UPK3A: variants seen among roughly 807,000 people sequenced by gnomAD.
The protein encoded by UPK3A is uroplakin 3A.
Under a neutral mutation model 27.6 loss-of-function variants are expected in UPK3A, and 32 were observed. The ratio of observed to expected loss-of-function variants is 1.16; its 90% CI spans 0.87 to 1.55. The LOEUF (loss-of-function observed/expected upper bound fraction) is 1.55, where lower values mean the gene tolerates loss of function less well. Ranked by LOEUF, UPK3A falls within the 40% of genes most tolerant of loss-of-function variation. UPK3A has a pLI of 0.00. For missense variants in UPK3A, 370 were observed against 367.9 expected (o/e 1.01, Z -0.05); for synonymous variants, 171 against 163.9 (o/e 1.04, Z -0.33).
At chr22:45,285,846 G>T in intron 1 of UPK3A, 95 bp from the exon 2 acceptor site, 1 of 1,571,760 alleles carries the variant, frequency 6.4e-7, no homozygotes, top group South Asian at 1.1e-5. Flanking sequence ...GTGAAGCCCA[G>T]GGCCTGGCAC....
intron 4 of UPK3A, among the ~76,000 whole-genome samples, chr22:45,290,362 A>T (rs1366017554): frequency 6.6e-6 from 1 of 151,964 alleles, no homozygotes; most frequent in Non-Finnish European, 1.5e-5. Context: ...GCCCATGTGC[A>T]CCCCCAGGGG....
chr22:45,291,597 G>T (rs1233896005), intron 4 of UPK3A, among the ~76,000 whole-genome samples: 1 of 150,440 alleles, frequency 6.6e-6, no homozygotes, highest in Admixed American at 6.6e-5. Flanking sequence ...GGTGTGTGGT[G>T]TCTGAGTGTG....
chr22:45,287,123 C>T (rs747350538), intron 2 of UPK3A, 49 bp from the exon 3 acceptor site: 5 of 1,611,494 alleles, frequency 3.1e-6, no homozygotes, highest in East Asian at 2.2e-5. Flanking sequence ...GAGTGAGTGT[C>T]GCTGAGCCGG....
At chr22:45,292,248 T>G (rs530107066) in intron 4 of UPK3A, among the ~76,000 whole-genome samples, 27 of 152,294 alleles carry the variant, frequency 1.8e-4, no homozygotes, top group African/African-American at 2.9e-4. Flanking sequence ...CCAGTTTTTT[T>G]GGGGGAGGAC....
At chr22:45,288,959 T>C in intron 3 of UPK3A, 102 bp from the exon 4 acceptor site, 2 of 1,107,228 alleles carry the variant, frequency 1.8e-6, no homozygotes, top group Non-Finnish European at 2.7e-6. Flanking sequence ...GGGCCCCCGC[T>C]GCCGTCTCCC....
chr22:45,287,982 T>C (rs2084131347), intron 3 of UPK3A, among the ~76,000 whole-genome samples: 1 of 152,136 alleles, frequency 6.6e-6, no homozygotes, highest in African/African-American at 2.4e-5. Context: ...AAATTCTTAA[T>C]TGTTGAACAA....
chr22:45,287,071 G>A (rs1389357473), intron 2 of UPK3A, 101 bp from the exon 3 acceptor site: 3 of 1,557,104 alleles, frequency 1.9e-6, no homozygotes, highest in Non-Finnish European at 2.6e-6. Context: ...GCCCAGCACA[G>A]AGCTGGGGCA....
At position 45,293,254 on chromosome 22, in the gene UPK3A, G is replaced by A. The variant is rs1569106642; in HGVS notation, c.645G>A (p.Leu215=). 6.2e-7 allele frequency: 1 copy of A among 1,614,108 alleles called. No homozygotes were observed. Among genetic ancestry groups the A allele is most frequent in the East Asian group, 2.2e-5 (1 of 44,864 alleles). Residue 215 remains leucine (L), a synonymous_variant, in exon 5 of 6, where the codon CTG becomes CTA. Coordinates refer to ENST00000216211, the MANE Select transcript of UPK3A (RefSeq NM_006953.4). ...SGGMIVITSI[L]GSLPFFLLVG... Reference sequence around the variant, plus strand: ...GCATGATCGTCATCACTTCCATCCTGGGCTCCCTGCCCTTCTTTCTACTTG... The same window carrying A: ...GCATGATCGTCATCACTTCCATCCTAGGCTCCCTGCCCTTCTTTCTACTTG...
At chr22:45,289,528 A>C (rs1221256388) in intron 4 of UPK3A, among the ~76,000 whole-genome samples, 1 of 150,468 alleles carries the variant, frequency 6.6e-6, no homozygotes, top group Non-Finnish European at 1.5e-5. Context: ...CAGTGAGCCA[A>C]GATGACACCA....
chr22:45,286,053 C>T lies in UPK3A; in HGVS notation c.165C>T (p.Leu55=). ...GCATGTTTGACAGCAAAGAGGCCCT[C>T]ACTGGCACCCACGAGGTCTACCTGT... is the stretch of plus-strand genomic sequence containing the variant. The part of the protein sequence containing the change: ...PLCMFDSKEA[L]TGTHEVYLYV... Residue 55 remains leucine, a synonymous_variant, in exon 2 of 6, where the codon CTC becomes CTT. Transcript: ENST00000216211. The T allele has an allele frequency of 3.7e-6, 6 of 1,614,216 alleles. No homozygotes were observed. Among genetic ancestry groups the T allele is most frequent in the Non-Finnish European group, 5.1e-6 (6 of 1,180,046 alleles).
Position 45,287,407 on chromosome 22 carries a change from C to T in UPK3A, c.444C>T (p.Phe148=). The change falls in exon 3 of 6, where the codon TTC becomes TTT. Residue 148 remains phenylalanine (F), a synonymous_variant. Coordinates refer to ENST00000216211, the MANE Select transcript of UPK3A (RefSeq NM_006953.4). ...ANGTCLWDPN[F]QGLCNAPLSA... ...GGACCTGCCTGTGGGATCCCAACTT[C>T]CAGGGCCTCTGTAACGCACCCCTGT... The T allele has an allele frequency of 6.2e-7, 1 of 1,611,202 alleles. No individual in the cohort carries two copies. The highest frequency in any genetic ancestry group is 8.5e-7 in the Non-Finnish European group (1 of 1,178,760).
At chr22:45,291,725 A>G in intron 4 of UPK3A, among the ~76,000 whole-genome samples, 1 of 108,638 alleles carries the variant, frequency 9.2e-6, no homozygotes, top group Admixed American at 1.0e-4. Context: ...GTGAGTTGGT[A>G]TGCGTGGTGT....
rs139905351 is a variant in UPK3A at position 45,291,157 on chromosome 22, C to T, written c.571+2014C>T. Among the ~76,000 whole-genome samples, 760 of 152,250 alleles carry T rather than the reference C, an allele frequency of 5.0e-3. 3 individuals are homozygous for T. Among genetic ancestry groups the T allele is most frequent in the African/African-American group, 0.017 (724 of 41,508 alleles). Reference sequence around the variant, plus strand: ...AAACCGATCCCTGGTGCCAAAAAGGCTGGGGACTGCTGGTATATGTGGTGT... The same window carrying T: ...AAACCGATCCCTGGTGCCAAAAAGGTTGGGGACTGCTGGTATATGTGGTGT... On this transcript the variant is annotated intron_variant, in intron 4 of 5. Transcript: ENST00000216211.
At chr22:45,288,089 CTTA>C (rs2084132225) in intron 3 of UPK3A, among the ~76,000 whole-genome samples, 1 of 152,202 alleles carries the variant, frequency 6.6e-6, no homozygotes, top group Admixed American at 6.5e-5. Flanking sequence ...ACCCCTTCGT[CTTA>C]CAGGAAAGGA....
intron 4 of UPK3A, among the ~76,000 whole-genome samples, chr22:45,292,397 C>A (rs1356113295): frequency 6.6e-6 from 1 of 152,126 alleles, no homozygotes; most frequent in African/African-American, 2.4e-5. Flanking sequence ...CTCCAGGGGA[C>A]CTACCTGGAA....
intron 5 of UPK3A, among the ~76,000 whole-genome samples, chr22:45,294,036 C>T (rs1297428558): frequency 6.6e-6 from 1 of 152,044 alleles, no homozygotes; most frequent in African/African-American, 2.4e-5. Context: ...AGGCAGGGGA[C>T]AAACCAAGGT....
At chr22:45,294,310 G>A (rs532221099) in intron 5 of UPK3A, among the ~76,000 whole-genome samples, 67 of 152,216 alleles carry the variant, frequency 4.4e-4, no homozygotes, top group African/African-American at 1.4e-3. Context: ...TAGGTGGGGC[G>A]GGTGGAGATC....
In UPK3A at chr22:45,287,287, C is replaced by T; in HGVS notation, c.324C>T (p.Ile108=). 1 of 1,614,222 alleles carries T rather than the reference C, an allele frequency of 6.2e-7. No homozygotes were observed. ...GPYKAVAFDL[I]PCSDLPSLDA... Reference sequence around the variant, plus strand: ...ACAAAGCTGTGGCCTTTGACCTGATCCCCTGCAGTGACCTGCCCAGCCTGG... The same window carrying T: ...ACAAAGCTGTGGCCTTTGACCTGATTCCCTGCAGTGACCTGCCCAGCCTGG... The change falls in exon 3 of 6, where the codon ATC becomes ATT. Residue 108 remains isoleucine, a synonymous_variant. Transcript: ENST00000216211.
chr22:45,290,706 G>A (rs377585392), intron 4 of UPK3A, among the ~76,000 whole-genome samples: 6 of 152,258 alleles, frequency 3.9e-5, no homozygotes, highest in Non-Finnish European at 7.4e-5. Context: ...GAACGGGACC[G>A]CGCAGCAGGA....
Sources: allele counts gnomAD v4.1 joint callset (sites outside exome capture counted in the v4.1 genomes callset), GRCh38; gene constraint gnomAD v4.1.1; transcripts MANE v1.5; gene names NCBI Gene and HGNC (gene_info 2026-07-23, HGNC 2026-07-21).